CACNA1D: variants seen among roughly 807,000 people sequenced by gnomAD.
The protein encoded by CACNA1D is calcium voltage-gated channel subunit alpha1 D, also known as voltage-dependent L-type calcium channel subunit alpha-1D.
A neutral mutation model predicts 257.1 loss-of-function variants in CACNA1D; 55 were observed. The ratio of observed to expected loss-of-function variants is 0.21; its 90% CI spans 0.17 to 0.27. The LOEUF (loss-of-function observed/expected upper bound fraction) is 0.27. Among genes scored for constraint, CACNA1D ranks in the 10% least tolerant of loss-of-function variants. The pLI is 1.00. For missense variants in CACNA1D, 1,876 were observed against 2,784.0 expected (o/e 0.67, Z 7.34); for synonymous variants, 980 against 1,014.9 (o/e 0.97, Z 0.65).
At chr3:53,666,642 G>T in intron 7 of CACNA1D, 107 bp downstream of exon 7, 1 of 913,104 alleles carries the variant, frequency 1.1e-6, no homozygotes. Flanking sequence ...CCTGAAGTCA[G>T]TTATTTGGGA....
intron 3 of CACNA1D, among the ~76,000 whole-genome samples, chr3:53,630,471 T>G (rs2093810109): frequency 6.6e-6 from 1 of 152,236 alleles, no homozygotes; most frequent in Non-Finnish European, 1.5e-5. Flanking sequence ...CGTATCTCAT[T>G]ATTTGAGACA....
chr3:53,731,146 G>C lies in CACNA1D; in HGVS notation c.2406G>C (p.Lys802Asn). 6.3e-7 allele frequency: 1 copy of C among 1,599,616 alleles called. No individual in the cohort carries two copies. The highest frequency in any genetic ancestry group is 8.6e-7 in the Non-Finnish European group (1 of 1,166,858). ...ACCAGATAGCCAACAGTGACAACAAGGTATGTATTCTAAGATGCTTCTCCC... is the reference window on the plus strand; with the variant it reads ...ACCAGATAGCCAACAGTGACAACAACGTATGTATTCTAAGATGCTTCTCCC... ...EVNQIANSDN[K>N]VTIDDYREED... The change falls in exon 17 of 48, where the codon AAG becomes AAC. Residue 802 changes from lysine (K) to asparagine (N), a missense_variant and splice_region_variant. By Grantham distance (94) the Lys-to-Asn change is moderately conservative. Around this residue, in one of 10 missense-constraint regions of CACNA1D, gnomAD observed 78 missense variants for 69.2 expected, o/e 1.13. Coordinates refer to ENST00000350061, the MANE Select transcript of CACNA1D (RefSeq NM_001128840.3).
intron 3 of CACNA1D, among the ~76,000 whole-genome samples, chr3:53,592,895 G>A (rs557100171): frequency 3.3e-5 from 5 of 152,226 alleles, no homozygotes; most frequent in Non-Finnish European, 7.4e-5. Context: ...TGCCATGTTG[G>A]CCCGGTTGGT....
intron 22 of CACNA1D, among the ~76,000 whole-genome samples, chr3:53,744,466 C>T (rs1559611410): frequency 6.6e-6 from 1 of 152,182 alleles, no homozygotes; most frequent in African/African-American, 2.4e-5. Flanking sequence ...GTGGAAAGAA[C>T]AAAGAGAGTT....
At chr3:53,509,647 T>C (rs1282024643) in intron 3 of CACNA1D, among the ~76,000 whole-genome samples, 1 of 151,980 alleles carries the variant, frequency 6.6e-6, no homozygotes, top group African/African-American at 2.4e-5. Flanking sequence ...TCAGTGAGTG[T>C]GGTGGGATCC....
At chr3:53,781,520 G>A in intron 38 of CACNA1D, 46 bp from the exon 39 acceptor site, 1 of 1,285,708 alleles carries the variant, frequency 7.8e-7, no homozygotes, top group Non-Finnish European at 1.1e-6. Context: ...AGGAGCTGGG[G>A]AACAGAAATG....
intron 28 of CACNA1D, among the ~76,000 whole-genome samples, chr3:53,753,226 A>T (rs1451718290): frequency 6.6e-6 from 1 of 152,236 alleles, no homozygotes; most frequent in Non-Finnish European, 1.5e-5. Context: ...CCCTAACCAA[A>T]TTCTACCTCT....
chr3:53,560,929 G>T (rs1414224550), intron 3 of CACNA1D, among the ~76,000 whole-genome samples: 1 of 152,206 alleles, frequency 6.6e-6, no homozygotes, highest in Non-Finnish European at 1.5e-5. Context: ...AGCAAGAGAA[G>T]TTCTAGAAAT....
chr3:53,717,001 T>G (rs773801981), intron 9 of CACNA1D, among the ~76,000 whole-genome samples: 1 of 152,246 alleles, frequency 6.6e-6, no homozygotes, highest in Non-Finnish European at 1.5e-5. Flanking sequence ...GAGCCTGGGC[T>G]GGGCCTCAGA....
At chr3:53,798,784 A>G (rs1469822817) in intron 40 of CACNA1D, among the ~76,000 whole-genome samples, 1 of 152,058 alleles carries the variant, frequency 6.6e-6, no homozygotes, top group East Asian at 1.9e-4. Context: ...ACTGCAGGAG[A>G]CCAGTTTTGA....
chr3:53,583,360 T>C lies in CACNA1D; in HGVS notation c.484-67419T>C, dbSNP rs114183199. On this transcript the variant is annotated intron_variant, in intron 3 of 47. Coordinates refer to ENST00000350061, the MANE Select transcript of CACNA1D (RefSeq NM_001128840.3). ...TTAAGCACAGGGATAAGCCTTGGCA[T>C]GTCCTGCCAGCAAGCTGAGGGCTGG... Among the ~76,000 whole-genome samples, 1,151 of 152,274 alleles carry C rather than the reference T, an allele frequency of 7.6e-3. 12 individuals carry two copies. The highest frequency in any genetic ancestry group is 0.026 in the African/African-American group (1,074 of 41,562).
At chr3:53,540,264 A>G (rs779662712) in intron 3 of CACNA1D, among the ~76,000 whole-genome samples, 2 of 150,006 alleles carry the variant, frequency 1.3e-5, no homozygotes, top group Non-Finnish European at 3.0e-5. Context: ...GATTACAGAC[A>G]TGTGCCACCA....
At chr3:53,749,062 T>C (rs769321478) in intron 26 of CACNA1D, 25 of 695,728 alleles carry the variant, frequency 3.6e-5, no homozygotes, top group Admixed American at 1.0e-4. Context: ...TCGATGATGA[T>C]ATCCTGGGTG....
intron 27 of CACNA1D, 109 bp downstream of exon 27, chr3:53,749,578 TCC>T: frequency 1.3e-6 from 1 of 787,248 alleles, no homozygotes; most frequent in Non-Finnish European, 2.2e-6. Context: ...ATACTGTCTG[TCC>T]CTGGGGCTAG....
At chr3:53,634,644 C>T (rs2093860688) in intron 3 of CACNA1D, among the ~76,000 whole-genome samples, 1 of 152,160 alleles carries the variant, frequency 6.6e-6, no homozygotes, top group African/African-American at 2.4e-5. Flanking sequence ...TGCGAGAGCT[C>T]GTGGAGGCCC....
chr3:53,648,083 T>C (rs2094041874), intron 3 of CACNA1D, among the ~76,000 whole-genome samples: 1 of 152,234 alleles, frequency 6.6e-6, no homozygotes. Context: ...AAGCTTTGTT[T>C]GGGAGGTGTA....
chr3:53,654,907 G>A (rs536422130), intron 4 of CACNA1D, among the ~76,000 whole-genome samples: 2 of 152,120 alleles, frequency 1.3e-5, no homozygotes, highest in South Asian at 4.2e-4. Flanking sequence ...AAGAAAAAAG[G>A]AACAAAGGAC....
In CACNA1D at chr3:53,753,614, C is replaced by G; in HGVS notation, c.3718C>G (p.Leu1240Val). 1.2e-6 allele frequency: 2 copies of G among 1,613,414 alleles called. No homozygotes were observed. The highest frequency in any genetic ancestry group is 1.7e-6 in the Non-Finnish European group (2 of 1,179,288). Reference protein sequence around the residue: ...SKMFNDAMDILNMVFTGVFTV... With the variant: ...SKMFNDAMDIVNMVFTGVFTV... ...GATGTTCAATGATGCCATGGACATT[C>G]TGAACATGGTCTTCACCGGGGTGTT... The change falls in exon 29 of 48, where the codon CTG (leucine) becomes GTG (valine). Residue 1240 changes from leucine (L) to valine (V), a missense_variant. Leu to Val is a conservative substitution (Grantham distance 32). Transcript: ENST00000350061.
Position 53,810,105 on chromosome 3 carries a change from T to C in CACNA1D, c.5999T>C (p.Leu2000Pro), listed in dbSNP as rs1222552806. The C allele has an allele frequency of 3.7e-6, 6 of 1,613,760 alleles. No homozygotes were observed. In the African/African-American group the frequency reaches 4.0e-5, roughly 11 times the overall value. Residue 2000 changes from leucine to proline, a missense_variant, in exon 47 of 48, where the codon CTG becomes CCG. Physicochemically the swap from Leu to Pro is moderately conservative, Grantham distance 98. Transcript: ENST00000350061. The part of the protein sequence containing the change: ...YRDWTPCYTP[L>P]IQVEQSEALD... ...GACTGGACACCGTGCTACACCCCCC[T>C]GATCCAAGTGGAGCAGTCAGAGGCC... is the stretch of plus-strand genomic sequence containing the variant.
Sources: gnomAD v4.1 joint callset for allele counts (sites outside exome capture counted in the v4.1 genomes callset) on GRCh38, gnomAD v4.1.1 for gene constraint, gnomAD v4.1.1 regional missense constraint, MANE v1.5 for transcripts, NCBI Gene and HGNC (gene_info 2026-07-23, HGNC 2026-07-21) for gene names.